TELO2: variants seen among roughly 807,000 people sequenced by gnomAD.
TELO2 encodes telomere length regulation protein TEL2 homolog.
In TELO2, 71 loss-of-function variants were observed where a neutral mutation model predicts 91.0. The observed-to-expected ratio is 0.78, with a 90% CI of 0.64 to 0.95. The LOEUF (loss-of-function observed/expected upper bound fraction) is 0.95, where lower values mean the gene tolerates loss of function less well. TELO2 is among the 40% of genes least tolerant of loss of function. TELO2 has a pLI of 0.00. For synonymous variants in TELO2, 584 were observed against 518.9 expected (o/e 1.13, Z -1.71); for missense variants, 1,183 against 1,141.3 (o/e 1.04, Z -0.53).
At chr16:1,506,469 T>A (rs2039896817) in intron 17 of TELO2, 140 bp downstream of exon 17, 3 of 1,526,966 alleles carry the variant, frequency 2.0e-6, no homozygotes, top group African/African-American at 1.4e-5. Flanking sequence ...TTTGTAAGCC[T>A]GTGTTAAATG....
chr16:1,496,809 T>C lies in TELO2; in HGVS notation c.614-227T>C, dbSNP rs751036502. On this transcript the variant is annotated intron_variant, in intron 3 of 20. Transcript: ENST00000262319. Reference sequence around the variant, plus strand: ...CGACCTCCTACACCATCGTGACGATTAAGTGGGCTAAGATGGGTGAAGGTT... The same window carrying C: ...CGACCTCCTACACCATCGTGACGATCAAGTGGGCTAAGATGGGTGAAGGTT... Among the ~76,000 whole-genome samples the C allele has an allele frequency of 3.3e-5, 5 of 152,344 alleles. 1 individual carries two copies. In the South Asian group the frequency reaches 6.2e-4, roughly 19 times the overall value.
At position 1,503,269 on chromosome 16, in the gene TELO2, G is replaced by A. The variant is rs149793863; in HGVS notation, c.1842+267G>A. On this transcript the variant is annotated intron_variant, in intron 15 of 20. Transcript: ENST00000262319. ...CGCTTTAGGGTAAAATGTGTGCTGC[G>A]CAGGTGAGGGAATATTATTTAGCAA... Among the ~76,000 whole-genome samples, 462 of 152,354 alleles carry A rather than the reference G, an allele frequency of 3.0e-3. 2 individuals carry two copies. The highest frequency in any genetic ancestry group is 0.01 in the Middle Eastern group (3 of 294).
chr16:1,506,666 G>T lies in TELO2; in HGVS notation c.2127-286G>T, dbSNP rs45601038. 2.3e-3 allele frequency: 3,136 copies of T among 1,373,702 alleles called. 4 individuals carry two copies. Among genetic ancestry groups the T allele is most frequent in the Non-Finnish European group, 2.7e-3 (2,919 of 1,061,692 alleles). 85.1% of individuals were successfully genotyped at this position (1,373,702 alleles called of 1,614,324 possible). On this transcript the variant is annotated intron_variant, in intron 17 of 20. Coordinates refer to ENST00000262319, the MANE Select transcript of TELO2 (RefSeq NM_016111.4). ...GCTGCACTGGCCCCACGTTCAGGGC[G>T]TGAGGCTCTCGAGATGGCAGAGAAG...
At chr16:1,500,822 C>T in intron 9 of TELO2, 123 bp downstream of exon 9, 1 of 1,434,342 alleles carries the variant, frequency 7.0e-7, no homozygotes, top group East Asian at 2.5e-5. Context: ...TCCGTGTGGA[C>T]TTCTCGCAGG....
At chr16:1,496,922 G>A (rs1011322683) in intron 3 of TELO2, 114 bp from the exon 4 acceptor site, 13 of 1,033,808 alleles carry the variant, frequency 1.3e-5, no homozygotes, top group Admixed American at 1.1e-4. Context: ...GTTGTTTTGA[G>A]TGAGTTTTGC....
Position 1,505,640 on chromosome 16 carries a change from C to T in TELO2, c.2034+39C>T, listed in dbSNP as rs374242827. Reference sequence around the variant, plus strand: ...GGTCAGCTCCTCACGGGCATGGGGACCGTGGGTGGGTGGGAAGGGCGGTCA... The same window carrying T: ...GGTCAGCTCCTCACGGGCATGGGGATCGTGGGTGGGTGGGAAGGGCGGTCA... On this transcript the variant is annotated intron_variant, in intron 16 of 20. Transcript: ENST00000262319. This position sits in a 1 kb window ranked among gnomAD's most constrained non-coding sequence, Gnocchi z 4.3. 12 of 1,557,144 alleles carry T rather than the reference C, an allele frequency of 7.7e-6. No individual in the cohort carries two copies. Among genetic ancestry groups the T allele is most frequent in the Non-Finnish European group, 1.1e-5 (12 of 1,142,196 alleles).
chr16:1,506,641 G>T, intron 17 of TELO2: 1 of 1,377,606 alleles, frequency 7.3e-7, no homozygotes, highest in Non-Finnish European at 9.4e-7. Flanking sequence ...CTCAGCCGGC[G>T]CTGCACTGGC....
intron 15 of TELO2, among the ~76,000 whole-genome samples, chr16:1,504,225 G>T (rs1234148724): frequency 1.3e-5 from 2 of 151,594 alleles, no homozygotes; most frequent in African/African-American, 4.8e-5. Context: ...ATGAGGTCAG[G>T]AGTTCAAGAC....
At chr16:1,506,455 G>A in intron 17 of TELO2, 126 bp downstream of exon 17, 1 of 1,559,760 alleles carries the variant, frequency 6.4e-7, no homozygotes, top group South Asian at 1.2e-5. Context: ...CTTTGCTGTG[G>A]CTTTTTGTAA....
intron 5 of TELO2, among the ~76,000 whole-genome samples, chr16:1,498,861 C>T (rs926639932): frequency 6.6e-6 from 1 of 152,218 alleles, no homozygotes; most frequent in Admixed American, 6.5e-5. Flanking sequence ...CAGGGGCCTA[C>T]AGGCTACTTG....
intron 15 of TELO2, among the ~76,000 whole-genome samples, chr16:1,504,805 C>A (rs1268062209): frequency 6.6e-6 from 1 of 152,060 alleles, no homozygotes; most frequent in African/African-American, 2.4e-5. Context: ...GATCCGCCCG[C>A]CTCAGCCGTA....
chr16:1,501,645 T>C lies in TELO2; in HGVS notation c.1362-18T>C. On this transcript the variant is annotated intron_variant, in intron 10 of 20. Coordinates refer to ENST00000262319, the MANE Select transcript of TELO2 (RefSeq NM_016111.4). ...TCGAGGGGCCCCTAAAGGATTTTTG[T>C]TCCTTGTTTCCTTAAAGCACGTCCC... 1.9e-6 allele frequency: 3 copies of C among 1,598,264 alleles called. No homozygotes were observed. The African/African-American group carries it at 4.0e-5, about 22-fold the overall frequency.
chr16:1,496,538 C>A (rs2039498730), intron 3 of TELO2, among the ~76,000 whole-genome samples: 3 of 152,196 alleles, frequency 2.0e-5, no homozygotes, highest in African/African-American at 7.2e-5. Context: ...CGTCCTGGTC[C>A]CCACGCGGCT....
chr16:1,495,401 G>T lies in TELO2; in HGVS notation c.391G>T (p.Gly131Cys), dbSNP rs2039445871. ...GCTGCTGGCCAGATTCCTGCGCGAGGGCCGGCTGGCAGTGCTGATGGAGGC... is the reference window on the plus strand; with the variant it reads ...GCTGCTGGCCAGATTCCTGCGCGAGTGCCGGCTGGCAGTGCTGATGGAGGC... ...ARLLARFLRE[G>C]RLAVLMEAQC... The change falls in exon 3 of 21, where the codon GGC becomes TGC. Residue 131 changes from glycine to cysteine, a missense_variant. Physicochemically the swap from Gly to Cys is radical, Grantham distance 159. Transcript: ENST00000262319. 6.3e-7 allele frequency: 1 copy of T among 1,583,830 alleles called. No homozygotes were observed. Among genetic ancestry groups the T allele is most frequent in the East Asian group, 2.3e-5 (1 of 42,974 alleles).
At chr16:1,502,434 G>C in intron 13 of TELO2, 30 bp downstream of exon 13, 1 of 1,567,800 alleles carries the variant, frequency 6.4e-7, no homozygotes, top group Non-Finnish European at 8.6e-7. Context: ...GGGTGGGGAG[G>C]CCCAAGATGG....
chr16:1,499,718 C>A (rs548853904), intron 6 of TELO2, among the ~76,000 whole-genome samples: 1 of 152,296 alleles, frequency 6.6e-6, no homozygotes, highest in East Asian at 1.9e-4. Flanking sequence ...GCCAGGTCCC[C>A]TGAGCCCAGA....
At chr16:1,506,557 T>C in intron 17 of TELO2, 1 of 1,422,926 alleles carries the variant, frequency 7.0e-7, no homozygotes. Context: ...ATGCTGGGCT[T>C]GTGGCATGGC....
In TELO2 at chr16:1,506,274, A is replaced by T; in HGVS notation, c.2071A>T (p.Arg691Ter). 1 of 1,613,890 alleles carries T rather than the reference A, an allele frequency of 6.2e-7. No homozygotes were observed. The highest frequency in any genetic ancestry group is 1.1e-5 in the South Asian group (1 of 91,090). ...GCAGGGCCCGGCAGGCAGCCCCAGC[A>T]GATTCAACTCCGTGGCCGGCCACTT... ...PRQGPAGSPSRFNSVAGHFFF... is the reference protein window; with the variant it reads ...PRQGPAGSPS The change falls in exon 17 of 21, where the codon AGA becomes TGA. Residue 691 changes from arginine (R) to a stop codon, truncating the protein, a stop_gained. Transcript: ENST00000262319. LOFTEE classifies it high-confidence loss of function.
chr16:1,503,490 G>A (rs1316760416), intron 15 of TELO2, among the ~76,000 whole-genome samples: 3 of 152,088 alleles, frequency 2.0e-5, no homozygotes, highest in South Asian at 2.1e-4. Flanking sequence ...GGTGGAGGCC[G>A]CAGTGGAGCT....
Sources: allele counts gnomAD v4.1 joint callset (sites outside exome capture counted in the v4.1 genomes callset), GRCh38; gene constraint gnomAD v4.1.1; non-coding constraint Gnocchi (gnomAD v3.1); transcripts MANE v1.5; gene names NCBI Gene and HGNC (gene_info 2026-07-23, HGNC 2026-07-21).